Variants in GLT1D1 observed in about 807,000 individuals in gnomAD.
GLT1D1 encodes the protein glycosyltransferase 1 domain containing 1.
In GLT1D1, 21 loss-of-function variants were observed where a neutral mutation model predicts 28.7. The observed-to-expected ratio is 0.73, with a 90% CI of 0.52 to 1.05. The LOEUF is 1.05. GLT1D1 is among the 50% of genes least tolerant of loss of function. The pLI is 0.00. For missense variants in GLT1D1, 343 were observed against 330.6 expected (o/e 1.04, Z -0.29); for synonymous variants, 147 against 124.8 (o/e 1.18, Z -1.19).
chr12:128,879,447 T>TTTCC (rs1566096789), intron 2 of GLT1D1, among the ~76,000 whole-genome samples: 2 of 126,430 alleles, frequency 1.6e-5, no homozygotes, highest in South Asian at 3.0e-4. Flanking sequence ...TCTTTCTTTC[T>TTTCC]TTCTTTCTTT....
chr12:128,899,999 T>C (rs138800061), intron 4 of GLT1D1, among the ~76,000 whole-genome samples: 10 of 152,260 alleles, frequency 6.6e-5, no homozygotes, highest in African/African-American at 2.4e-4. Context: ...CTTTAAACAG[T>C]CAAGAGTTTG....
In GLT1D1 at chr12:128,957,541, C is replaced by T. The variant is rs985324767; in HGVS notation, c.541-4C>T. On this transcript the variant is annotated splice_region_variant and splice_polypyrimidine_tract_variant and intron_variant, in intron 6 of 7. Transcript: ENST00000281703. ...TCCACCCCCTTTTCTCCTGTCTCCT[C>T]CAGGCAATGGATTTAGAAGTACCGG... 2.2e-5 allele frequency: 36 copies of T among 1,607,526 alleles called. No homozygotes were observed. Among genetic ancestry groups the T allele is most frequent in the Non-Finnish European group, 3.0e-5 (35 of 1,174,280 alleles).
At chr12:128,864,426 A>T (rs1956465467) in intron 1 of GLT1D1, among the ~76,000 whole-genome samples, 1 of 152,046 alleles carries the variant, frequency 6.6e-6, no homozygotes, top group Admixed American at 6.6e-5. Context: ...GCGAGGCTGG[A>T]TGTTGCTAAC....
At chr12:128,875,358 C>T (rs1410760030) in intron 1 of GLT1D1, among the ~76,000 whole-genome samples, 4 of 152,212 alleles carry the variant, frequency 2.6e-5, no homozygotes, top group Non-Finnish European at 5.9e-5. Context: ...CCAATGGCCT[C>T]GGTTCCAGCC....
At chr12:128,873,035 C>T (rs544205998) in intron 1 of GLT1D1, among the ~76,000 whole-genome samples, 51 of 152,216 alleles carry the variant, frequency 3.4e-4, no homozygotes, top group East Asian at 1.2e-3. Flanking sequence ...GCTGGGATGA[C>T]GGGTGCATGT....
At chr12:128,957,498 C>A in intron 6 of GLT1D1, 47 bp from the exon 11 acceptor site, 1 of 1,308,492 alleles carries the variant, frequency 7.6e-7, no homozygotes, top group Non-Finnish European at 1.1e-6. Flanking sequence ...GCCGCAGAGG[C>A]TCTTGAAATG....
At chr12:128,929,961 G>A (rs1379113365) in intron 4 of GLT1D1, among the ~76,000 whole-genome samples, 1 of 152,162 alleles carries the variant, frequency 6.6e-6, no homozygotes, top group Non-Finnish European at 1.5e-5. Flanking sequence ...GGGTGACAGA[G>A]CAAGATTCTG....
Position 128,888,650 on chromosome 12 carries a change from C to A in GLT1D1, c.229C>A (p.Pro77Thr). The change falls in exon 3 of 8, where the codon CCT (proline) becomes ACT (threonine). Residue 77 changes from proline to threonine, a missense_variant. Physicochemically the swap from Pro to Thr is conservative, Grantham distance 38. Transcript: ENST00000281703. ...TCATCGTTTTGCAGGCCACCGAATC[C>A]CTTTTGGAGTCATCTTTGGTGGAAC... 1 of 1,611,838 alleles carries A rather than the reference C, an allele frequency of 6.2e-7. No homozygotes were observed. Among genetic ancestry groups the A allele is most frequent in the Non-Finnish European group, 8.5e-7 (1 of 1,178,400 alleles).
intron 4 of GLT1D1, among the ~76,000 whole-genome samples, chr12:128,925,861 G>A (rs1566138771): frequency 6.6e-6 from 1 of 152,000 alleles, no homozygotes; most frequent in East Asian, 1.9e-4. Context: ...TTTCCCACCA[G>A]AAATCATTAG....
intron 4 of GLT1D1, among the ~76,000 whole-genome samples, chr12:128,922,271 G>A (rs1032000552): frequency 6.6e-6 from 1 of 152,010 alleles, no homozygotes; most frequent in Non-Finnish European, 1.5e-5. Context: ...TCCGTGTACT[G>A]TACAGGTATT....
At position 128,945,298 on chromosome 12, in the gene GLT1D1, G is replaced by A. The variant is rs200628458; in HGVS notation, c.376-28G>A. ...GCAGCGCCACTAGCAGGCGGCGACC[G>A]CTGACATTTATCTTTGTCTCTTTTC... On this transcript the variant is annotated intron_variant, in intron 4 of 7. Coordinates refer to ENST00000281703, the MANE Select transcript of GLT1D1 (RefSeq NM_144669.3). 4.8e-4 allele frequency: 779 copies of A among 1,612,886 alleles called. 2 individuals carry two copies. Among genetic ancestry groups the A allele is most frequent in the African/African-American group, 4.8e-3 (362 of 75,008 alleles).
At chr12:128,922,922 C>T (rs1275503077) in intron 4 of GLT1D1, among the ~76,000 whole-genome samples, 23 of 97,592 alleles carry the variant, frequency 2.4e-4, no homozygotes, top group Non-Finnish European at 3.7e-4. Context: ...GACTCCATCT[C>T]AAAAAAAAAA....
At chr12:128,982,689 TG>T (rs1880443464) in intron 7 of GLT1D1, among the ~76,000 whole-genome samples, 1 of 151,856 alleles carries the variant, frequency 6.6e-6, no homozygotes, top group African/African-American at 2.4e-5. Flanking sequence ...TGTGTGTGCA[TG>T]TGTGTGCATA....
intron 7 of GLT1D1, among the ~76,000 whole-genome samples, chr12:128,973,919 G>GGTGT (rs61317527): frequency 0.37 from 36,359 of 98,054 alleles, 6,913 homozygotes; most frequent in Non-Finnish European, 0.55. Flanking sequence ...GTGTGTAGGG[G>GGTGT]GTGTGTGTGT....
chr12:128,955,426 C>G (rs1877173030), intron 6 of GLT1D1, among the ~76,000 whole-genome samples: 1 of 152,110 alleles, frequency 6.6e-6, no homozygotes, highest in Non-Finnish European at 1.5e-5. Flanking sequence ...TTCTCCTGCA[C>G]CTGAGAAGAC....
At chr12:128,895,681 A>T (rs1869549209) in intron 3 of GLT1D1, among the ~76,000 whole-genome samples, 1 of 151,644 alleles carries the variant, frequency 6.6e-6, no homozygotes, top group African/African-American at 2.4e-5. Context: ...GGTCTCTCAA[A>T]CTCCTAACCT....
intron 4 of GLT1D1, chr12:128,906,769 G>T: frequency 2.0e-6 from 1 of 494,184 alleles, no homozygotes; most frequent in Non-Finnish European, 3.6e-6. Flanking sequence ...CCCTTCTGGG[G>T]CCTAATTTAT....
At chr12:128,867,768 C>T (rs906756866) in intron 1 of GLT1D1, among the ~76,000 whole-genome samples, 1 of 152,072 alleles carries the variant, frequency 6.6e-6, no homozygotes, top group African/African-American at 2.4e-5. Context: ...AAGGTGTTGA[C>T]AAGAAAGTAA....
chr12:128,956,067 GA>G (rs1241415257), intron 6 of GLT1D1, among the ~76,000 whole-genome samples: 1 of 149,626 alleles, frequency 6.7e-6, no homozygotes, highest in Non-Finnish European at 1.5e-5. Context: ...GCTGAGGCAG[GA>G]GAATGGCGTG....
Sources: gnomAD v4.1 joint callset for allele counts (sites outside exome capture counted in the v4.1 genomes callset) on GRCh38, gnomAD v4.1.1 for gene constraint, MANE v1.5 for transcripts, NCBI Gene and HGNC (gene_info 2026-07-23, HGNC 2026-07-21) for gene names.